Variants in LUZP2 observed in about 807,000 individuals in gnomAD.
LUZP2 encodes the protein leucine zipper protein 2.
Under a neutral mutation model 51.6 loss-of-function variants are expected in LUZP2, and 52 were observed. That is an observed-to-expected ratio of 1.01 (90% CI 0.81 to 1.27). The LOEUF is 1.27. Ranked by LOEUF, LUZP2 falls within the 50% of genes most tolerant of loss-of-function variation. The pLI is 0.00. For missense variants in LUZP2, 436 were observed against 395.4 expected (o/e 1.10, Z -0.87); for synonymous variants, 154 against 137.3 (o/e 1.12, Z -0.85).
At chr11:24,559,400 C>A (rs1172885277) in intron 1 of LUZP2, among the ~76,000 whole-genome samples, 1 of 152,178 alleles carries the variant, frequency 6.6e-6, no homozygotes, top group Admixed American at 6.5e-5. Context: ...CTTCTACCCA[C>A]TTCAGTGGCT....
chr11:24,732,162 A>G lies in LUZP2; in HGVS notation c.225A>G (p.Lys75=), dbSNP rs1858738058. ...AGTCTGCCAAAACTGATGTTCAGAAACTTCTGGAATTAGGACAGAAACAAA... is the reference window on the plus strand; with the variant it reads ...AGTCTGCCAAAACTGATGTTCAGAAGCTTCTGGAATTAGGACAGAAACAAA... The part of the protein sequence containing the change: ...DEQSAKTDVQ[K]LLELGQKQRE... The change falls in exon 3 of 12, where the codon AAA becomes AAG. Residue 75 remains lysine (K), a synonymous_variant. Transcript: ENST00000336930. 1 of 1,609,488 alleles carries G rather than the reference A, an allele frequency of 6.2e-7. No individual in the cohort carries two copies. The highest frequency in any genetic ancestry group is 1.1e-5 in the South Asian group (1 of 90,666).
At chr11:24,656,995 A>C (rs1394280637) in intron 1 of LUZP2, among the ~76,000 whole-genome samples, 2 of 152,228 alleles carry the variant, frequency 1.3e-5, no homozygotes, top group African/African-American at 4.8e-5. Context: ...TAAGGCGTGG[A>C]AACTAAGAGC....
intron 1 of LUZP2, among the ~76,000 whole-genome samples, chr11:24,560,464 C>G (rs1483219909): frequency 1.3e-5 from 2 of 152,014 alleles, no homozygotes; most frequent in African/African-American, 2.4e-5. Context: ...AAGAGGGTGA[C>G]AAGGTGAGCT....
chr11:24,949,037 A>G (rs2133860260), intron 7 of LUZP2, among the ~76,000 whole-genome samples: 1 of 151,698 alleles, frequency 6.6e-6, no homozygotes, highest in South Asian at 2.1e-4. Flanking sequence ...ACTAAAAGAA[A>G]AACAAAACCT....
intron 1 of LUZP2, among the ~76,000 whole-genome samples, chr11:24,510,040 T>C (rs892425607): frequency 3.9e-5 from 6 of 152,340 alleles, no homozygotes; most frequent in Admixed American, 3.9e-4. Context: ...ACATCTTATG[T>C]AGCAATTCAT....
intron 5 of LUZP2, among the ~76,000 whole-genome samples, chr11:24,837,252 A>G (rs1850888111): frequency 6.6e-6 from 1 of 151,776 alleles, no homozygotes; most frequent in Non-Finnish European, 1.5e-5. Flanking sequence ...TTGTTAAACT[A>G]TGTTAAATAA....
rs1377120217 is a variant in LUZP2 at position 24,739,622 on chromosome 11, A to G, written c.333+1320A>G. Among the ~76,000 whole-genome samples the G allele has an allele frequency of 2.0e-5, 3 of 152,100 alleles. No homozygotes were observed. In the East Asian group the frequency reaches 5.8e-4, roughly 29 times the overall value. On this transcript the variant is annotated intron_variant, in intron 4 of 11. Transcript: ENST00000336930. ...GAAGCCTAAATCTCCATTTAGGTCA[A>G]TTACCTGGAATCCTAGGCTCTCTAA...
intron 1 of LUZP2, among the ~76,000 whole-genome samples, chr11:24,716,821 A>C (rs1260512709): frequency 6.6e-6 from 1 of 152,178 alleles, no homozygotes; most frequent in African/African-American, 2.4e-5. Flanking sequence ...TCTTGAACTC[A>C]GGAGGCGGAG....
chr11:24,863,773 A>G (rs975125220), intron 5 of LUZP2, among the ~76,000 whole-genome samples: 12 of 152,194 alleles, frequency 7.9e-5, no homozygotes, highest in Admixed American at 6.5e-5. Context: ...AAAAACATTC[A>G]TGTTCATTCT....
chr11:25,034,655 C>A (rs1198625213), intron 9 of LUZP2, among the ~76,000 whole-genome samples: 4 of 152,106 alleles, frequency 2.6e-5, no homozygotes, highest in African/African-American at 9.7e-5. Context: ...CCAGTTATCC[C>A]AGTTCCATTT....
chr11:24,602,044 A>G (rs71458925), intron 1 of LUZP2, among the ~76,000 whole-genome samples: 3 of 142,588 alleles, frequency 2.1e-5, no homozygotes, highest in African/African-American at 5.2e-5. Flanking sequence ...GTATATCTGT[A>G]TATATGTGTA....
At chr11:24,692,920 C>G (rs1857121693) in intron 1 of LUZP2, among the ~76,000 whole-genome samples, 1 of 151,844 alleles carries the variant, frequency 6.6e-6, no homozygotes, top group Non-Finnish European at 1.5e-5. Context: ...TTCACAGCTG[C>G]TATTTCATTT....
At chr11:24,880,954 CA>C in intron 5 of LUZP2, among the ~76,000 whole-genome samples, 1 of 152,220 alleles carries the variant, frequency 6.6e-6, no homozygotes, top group Admixed American at 6.6e-5. Flanking sequence ...AGACTCATAG[CA>C]TGGCAATAAT....
intron 1 of LUZP2, among the ~76,000 whole-genome samples, chr11:24,650,517 G>C (rs1799536824): frequency 6.6e-6 from 1 of 151,988 alleles, no homozygotes; most frequent in Non-Finnish European, 1.5e-5. Flanking sequence ...ATTGGAAGGA[G>C]ATCTTCTGTG....
chr11:25,004,040 A>T (rs1209879734), intron 9 of LUZP2, among the ~76,000 whole-genome samples: 2 of 152,194 alleles, frequency 1.3e-5, no homozygotes, highest in African/African-American at 4.8e-5. Flanking sequence ...AGGCCATACC[A>T]GTGTCCAGGA....
chr11:24,563,755 T>TAA (rs150458694), intron 1 of LUZP2, among the ~76,000 whole-genome samples: 1 of 151,510 alleles, frequency 6.6e-6, no homozygotes, highest in African/African-American at 2.4e-5. Flanking sequence ...TAGAAACATT[T>TAA]AAAAAAAAAC....
chr11:24,835,615 A>G (rs945637586), intron 5 of LUZP2, among the ~76,000 whole-genome samples: 3 of 152,154 alleles, frequency 2.0e-5, no homozygotes, highest in African/African-American at 7.2e-5. Flanking sequence ...TAAGGATTAG[A>G]GAGGAAAAAT....
At chr11:24,674,329 A>C in intron 1 of LUZP2, among the ~76,000 whole-genome samples, 1 of 152,062 alleles carries the variant, frequency 6.6e-6, no homozygotes, top group East Asian at 1.9e-4. Flanking sequence ...CATCTCTTTC[A>C]TCCTTTGGGT....
At chr11:25,067,222 G>T (rs1317207853) in intron 10 of LUZP2, among the ~76,000 whole-genome samples, 1 of 151,934 alleles carries the variant, frequency 6.6e-6, no homozygotes, top group Non-Finnish European at 1.5e-5. Flanking sequence ...GCCACTTTTT[G>T]ATGAAGTTGT....
Sources: gnomAD v4.1 joint callset for allele counts (sites outside exome capture counted in the v4.1 genomes callset) on GRCh38, gnomAD v4.1.1 for gene constraint, MANE v1.5 for transcripts, NCBI Gene and HGNC (gene_info 2026-07-23, HGNC 2026-07-21) for gene names.